Variants in OSBPL1A observed in about 807,000 individuals in gnomAD.
OSBPL1A encodes the protein oxysterol binding protein like 1A.
In OSBPL1A, 80 loss-of-function variants were observed where a neutral mutation model predicts 137.1. The ratio of observed to expected loss-of-function variants is 0.58; its 90% CI spans 0.49 to 0.70. The LOEUF is 0.70. OSBPL1A is among the 30% of genes least tolerant of loss of function. The pLI is 0.00. For missense variants in OSBPL1A, 970 were observed against 1,129.4 expected (o/e 0.86, Z 2.02); for synonymous variants, 365 against 389.7 (o/e 0.94, Z 0.75).
chr18:24,163,103 C>G lies in OSBPL1A; in HGVS notation c.*76G>C. 9.1e-7 allele frequency: 1 copy of G among 1,094,478 alleles called. No individual in the cohort carries two copies. The highest frequency in any genetic ancestry group is 1.3e-6 in the Non-Finnish European group (1 of 765,546). 67.8% of individuals were successfully genotyped at this position (1,094,478 alleles called of 1,614,324 possible). A position where few individuals can be genotyped will look rare whatever the true frequency, so the allele number is the denominator to read the frequency against. ...TTTTTTTTTAAAAGATAAGTAGAAACCAAGGGAAAAAAATTTAAAAACATA... is the reference window on the plus strand; with the variant it reads ...TTTTTTTTTAAAAGATAAGTAGAAAGCAAGGGAAAAAAATTTAAAAACATA... On this transcript the variant is annotated 3_prime_UTR_variant, in exon 28 of 28. Coordinates refer to ENST00000319481, the MANE Select transcript of OSBPL1A (RefSeq NM_080597.4).
chr18:24,243,695 G>C (rs1318986579), intron 15 of OSBPL1A, among the ~76,000 whole-genome samples: 2 of 152,200 alleles, frequency 1.3e-5, no homozygotes, highest in Non-Finnish European at 2.9e-5. Flanking sequence ...AAACAGGACA[G>C]GAAGAGACTG....
At chr18:24,250,152 G>GT (rs776133576) in intron 15 of OSBPL1A, among the ~76,000 whole-genome samples, 17 of 71,984 alleles carry the variant, frequency 2.4e-4, no homozygotes, top group East Asian at 1.1e-3. Context: ...GCGTTTGTGT[G>GT]TTTTTGTTTG....
intron 18 of OSBPL1A, among the ~76,000 whole-genome samples, chr18:24,186,459 C>T (rs1300650303): frequency 3.3e-5 from 5 of 151,950 alleles, no homozygotes; most frequent in Admixed American, 2.0e-4. Flanking sequence ...AACATAGAAA[C>T]AAATGCTAGA....
rs188291422 is a variant in OSBPL1A at position 24,226,355 on chromosome 18, T to C, written c.1445-1157A>G. Among the ~76,000 whole-genome samples the C allele has an allele frequency of 1.8e-4, 28 of 152,330 alleles. 1 individual carries two copies. Among genetic ancestry groups the C allele is most frequent in the Admixed American group, 5.9e-4 (9 of 15,302 alleles). ...TTCTGACTCCTTGTTTAATGTTTTA[T>C]GTATTTTGGCTCAAAACAGCAGTCA... On this transcript the variant is annotated intron_variant, in intron 16 of 27. Transcript: ENST00000319481.
intron 18 of OSBPL1A, among the ~76,000 whole-genome samples, chr18:24,192,208 A>G (rs1052560090): frequency 6.6e-6 from 1 of 152,136 alleles, no homozygotes; most frequent in Non-Finnish European, 1.5e-5. Flanking sequence ...TGCCTAAGTC[A>G]CTGAGCATGA....
chr18:24,183,474 C>T (rs1040736335), intron 18 of OSBPL1A, among the ~76,000 whole-genome samples: 1 of 151,156 alleles, frequency 6.6e-6, no homozygotes, highest in Non-Finnish European at 1.5e-5. Context: ...CTCTTGTCGC[C>T]CAGGCTGGAG....
At chr18:24,258,564 G>C (rs1025494074) in intron 15 of OSBPL1A, among the ~76,000 whole-genome samples, 1 of 152,162 alleles carries the variant, frequency 6.6e-6, no homozygotes, top group African/African-American at 2.4e-5. Context: ...CCTGATATTT[G>C]ATAGCATAAC....
rs569164095 is a variant in OSBPL1A, at chr18:24,269,466, G to A, written c.1281+11376C>T. 5.9e-5 allele frequency among the ~76,000 whole-genome samples: 9 copies of A among 152,236 alleles called. 1 individual carries two copies. The South Asian group carries it at 1.9e-3, about 32-fold the overall frequency. On this transcript the variant is annotated intron_variant, in intron 15 of 27. Transcript: ENST00000319481. The stretch of plus-strand genomic sequence containing the variant: ...CACCTGACGCCGGTATAAGTCAGAT[G>A]ACTACATAGATTTTAGTCATCTAAT...
At chr18:24,183,003 G>A (rs763595416) in intron 18 of OSBPL1A, among the ~76,000 whole-genome samples, 1 of 151,878 alleles carries the variant, frequency 6.6e-6, no homozygotes, top group Non-Finnish European at 1.5e-5. Flanking sequence ...GGAGTAGCTG[G>A]GATTACAGAT....
At chr18:24,294,306 A>T (rs1301606864) in intron 14 of OSBPL1A, among the ~76,000 whole-genome samples, 2 of 151,736 alleles carry the variant, frequency 1.3e-5, no homozygotes, top group African/African-American at 4.8e-5. Context: ...ATCTCGGCTC[A>T]CTGCAACCTC....
Position 24,181,272 on chromosome 18 carries a change from G to A in OSBPL1A, c.1685C>T (p.Ser562Phe). 1.2e-6 allele frequency: 2 copies of A among 1,613,990 alleles called. No individual in the cohort carries two copies. Among genetic ancestry groups the A allele is most frequent in the Non-Finnish European group, 1.7e-6 (2 of 1,179,948 alleles). Reference protein sequence around the residue: ...ILRKCIGMELSKITMPVIFNE... With the variant: ...ILRKCIGMELFKITMPVIFNE... ...AAATATAACTGGCATCGTGATCTTG[G>A]ATAGTTCCTATTTAACCAGAAAATT... is the stretch of plus-strand genomic sequence containing the variant. The change falls in exon 19 of 28, where the codon TCC becomes TTC. Residue 562 changes from serine (S) to phenylalanine (F), a missense_variant. Ser to Phe is a radical substitution (Grantham distance 155). This residue lies in a region of OSBPL1A where 647 missense variants were observed against 672.6 expected (regional missense o/e 0.96). Coordinates refer to ENST00000319481, the MANE Select transcript of OSBPL1A (RefSeq NM_080597.4).
At chr18:24,303,823 C>A in intron 13 of OSBPL1A, 105 bp from the exon 14 acceptor site, 1 of 855,480 alleles carries the variant, frequency 1.2e-6, no homozygotes. Flanking sequence ...ATTGATATAC[C>A]ATAACAGAGA....
chr18:24,292,978 C>T (rs993300919), intron 14 of OSBPL1A, among the ~76,000 whole-genome samples: 7 of 151,512 alleles, frequency 4.6e-5, no homozygotes, highest in South Asian at 2.1e-4. Flanking sequence ...TGGTGGCTCG[C>T]GCCTGTGGTC....
chr18:24,363,879 C>A (rs755959994), intron 4 of OSBPL1A, among the ~76,000 whole-genome samples: 19 of 151,810 alleles, frequency 1.3e-4, no homozygotes, highest in Non-Finnish European at 2.5e-4. Flanking sequence ...CTCAAGTGAT[C>A]CTTCCACCTT....
At chr18:24,300,857 AC>A (rs1190326086) in intron 14 of OSBPL1A, among the ~76,000 whole-genome samples, 1 of 152,072 alleles carries the variant, frequency 6.6e-6, no homozygotes, top group African/African-American at 2.4e-5. Context: ...TGGCTCTGCC[AC>A]CCAGGCTGCA....
chr18:24,393,635 A>T (rs1490989755), intron 1 of OSBPL1A, among the ~76,000 whole-genome samples: 2 of 151,988 alleles, frequency 1.3e-5, no homozygotes, highest in African/African-American at 2.4e-5. Flanking sequence ...TGTAGTTTTT[A>T]GTAGAGCCGG....
intron 13 of OSBPL1A, among the ~76,000 whole-genome samples, chr18:24,305,369 A>G (rs1345775444): frequency 6.6e-6 from 1 of 152,186 alleles, no homozygotes. Flanking sequence ...TTTAAAGGGT[A>G]CATAACAGGT....
In OSBPL1A at chr18:24,337,570, C is replaced by CA. The variant is rs1225881914; in HGVS notation, c.395-3241dup. On this transcript the variant is annotated intron_variant, in intron 5 of 27. Coordinates refer to ENST00000319481, the MANE Select transcript of OSBPL1A (RefSeq NM_080597.4). ...TGGGTGACAGAGTGAAACTCTGTCT[C>CA]AAAAAAAAAAAAAAAAAAGTCAGTA... Among the ~76,000 whole-genome samples, 292 of 84,338 alleles carry CA rather than the reference C, an allele frequency of 3.5e-3. 1 individual carries two copies. The highest frequency in any genetic ancestry group is 8.8e-3 in the South Asian group (21 of 2,396). 55.3% of individuals were successfully genotyped at this position (84,338 alleles called of 152,430 possible).
At chr18:24,221,190 T>C (rs192166088) in intron 17 of OSBPL1A, among the ~76,000 whole-genome samples, 91 of 152,364 alleles carry the variant, frequency 6.0e-4, no homozygotes, top group Middle Eastern at 6.8e-3. Context: ...TAATCTTACT[T>C]CCTGGAAGGT....
Sources: allele counts gnomAD v4.1 joint callset (sites outside exome capture counted in the v4.1 genomes callset), GRCh38; gene constraint gnomAD v4.1.1; regional missense constraint gnomAD v4.1.1; transcripts MANE v1.5; gene names NCBI Gene and HGNC (gene_info 2026-07-23, HGNC 2026-07-21).